The following CHST7 variants were observed in gnomAD, a reference collection of about 807,000 sequenced individuals.
CHST7 encodes carbohydrate sulfotransferase 7.
Under a neutral mutation model 9.0 loss-of-function variants are expected in CHST7, and 5 were observed. The ratio of observed to expected loss-of-function variants is 0.56; its 90% confidence interval spans 0.29 to 1.17. The LOEUF is 1.17. CHST7 is among the 50% of genes most tolerant of loss of function. CHST7 has a pLI of 0.08. For synonymous variants in CHST7, 244 were observed against 237.1 expected (o/e 1.03, Z -0.27); for missense variants, 377 against 485.1 (o/e 0.78, Z 2.09).
chrX:46,585,814 C>T (rs989721353), intron 1 of CHST7, among the ~76,000 whole-genome samples: 5 of 111,961 alleles, frequency 4.5e-5, no homozygotes, highest in African/African-American at 9.7e-5. Context: ...GACGCGATAT[C>T]GGCTCAATGC....
chrX:46,576,659 C>T (rs912885637), intron 1 of CHST7, among the ~76,000 whole-genome samples: 5 of 111,312 alleles, frequency 4.5e-5, no homozygotes, highest in African/African-American at 1.6e-4. Flanking sequence ...GCAGTCAGTC[C>T]AGAGGAGGAG....
chrX:46,579,398 G>A (rs1029282125), intron 1 of CHST7, among the ~76,000 whole-genome samples: 3 of 111,911 alleles, frequency 2.7e-5, no homozygotes, highest in Non-Finnish European at 5.6e-5. Context: ...GTGCTATCCT[G>A]TCCTTTTCAG....
intron 1 of CHST7, among the ~76,000 whole-genome samples, chrX:46,596,628 T>C (rs1283343071): frequency 1.8e-5 from 2 of 111,801 alleles, no homozygotes; most frequent in Non-Finnish European, 3.8e-5. Context: ...TCATGAAACA[T>C]GTGTACTAGC....
At chrX:46,590,826 T>A (rs1431426012) in intron 1 of CHST7, among the ~76,000 whole-genome samples, 1 of 112,133 alleles carries the variant, frequency 8.9e-6, no homozygotes, top group Non-Finnish European at 1.9e-5. Context: ...TGTGCTACCC[T>A]CATTATCATT....
chrX:46,592,583 G>A (rs1942577913), intron 1 of CHST7, among the ~76,000 whole-genome samples: 1 of 111,612 alleles, frequency 9.0e-6, no homozygotes, highest in Non-Finnish European at 1.9e-5. Flanking sequence ...GGCTGGTCTC[G>A]AACTCCTGGC....
intron 1 of CHST7, among the ~76,000 whole-genome samples, chrX:46,593,270 G>A: frequency 9.0e-6 from 1 of 111,540 alleles, no homozygotes; most frequent in Non-Finnish European, 1.9e-5. Context: ...TTGAAAGAAT[G>A]GTGTTGAAGT....
At chrX:46,591,778 C>A (rs1262481635) in intron 1 of CHST7, among the ~76,000 whole-genome samples, 2 of 111,268 alleles carry the variant, frequency 1.8e-5, no homozygotes, top group Non-Finnish European at 3.8e-5. Context: ...TATACATGTG[C>A]CATGGTGGTT....
chrX:46,577,304 G>A (rs57887874), intron 1 of CHST7, among the ~76,000 whole-genome samples: 15,096 of 109,491 alleles, frequency 0.14, 2,354 homozygotes, highest in African/African-American at 0.44. Flanking sequence ...AAGGCCGATG[G>A]GGCTTCCTTT....
chrX:46,579,361 A>G (rs371547041), intron 1 of CHST7, among the ~76,000 whole-genome samples: 19 of 111,957 alleles, frequency 1.7e-4, no homozygotes, highest in African/African-American at 6.2e-4. Context: ...ATTGTACACT[A>G]TCCACCACTG....
intron 1 of CHST7, among the ~76,000 whole-genome samples, chrX:46,582,887 G>A (rs1031382792): frequency 1.8e-5 from 2 of 110,479 alleles, no homozygotes; most frequent in African/African-American, 3.3e-5. Flanking sequence ...GTCTCAGCAG[G>A]GGAAGGGCAG....
Position 46,574,503 on chromosome X carries a change from C to T in CHST7, c.572C>T (p.Ala191Val). 8.3e-7 allele frequency: 1 copy of T among 1,207,231 alleles called. No homozygotes were observed. The highest frequency in any genetic ancestry group is 1.1e-6 in the Non-Finnish European group (1 of 893,102). Reference protein sequence around the residue: ...APDTANLTTAALFRWRTNKVI... With the variant: ...APDTANLTTAVLFRWRTNKVI... ...GACACGGCCAATCTTACCACGGCCG[C>T]CCTCTTCCGCTGGCGGACTAACAAG... Residue 191 changes from alanine to valine, a missense_variant, in exon 1 of 2, where the codon GCC (alanine) becomes GTC (valine). Ala to Val is a moderately conservative substitution (Grantham distance 64). Transcript: ENST00000276055.
chrX:46,580,252 G>T (rs1264191601), intron 1 of CHST7, among the ~76,000 whole-genome samples: 1 of 110,396 alleles, frequency 9.1e-6, no homozygotes, highest in East Asian at 2.9e-4. Context: ...TAAAGACGGG[G>T]TTTCACCATG....
At chrX:46,578,301 A>G (rs1453550230) in intron 1 of CHST7, among the ~76,000 whole-genome samples, 1 of 50,236 alleles carries the variant, frequency 2.0e-5, no homozygotes, top group African/African-American at 1.1e-4. Context: ...TTTGAGTGGC[A>G]GCTCTTACTC....
chrX:46,586,131 C>T (rs1602109796), intron 1 of CHST7, among the ~76,000 whole-genome samples: 1 of 111,995 alleles, frequency 8.9e-6, no homozygotes, highest in East Asian at 2.8e-4. Context: ...CGGCCACCTC[C>T]AGCAATCCTG....
rs397777408 is a variant in CHST7 at position 46,584,535 on chromosome X, C to CAAAAAAA, written c.*31+9125_*31+9131dup. On this transcript the variant is annotated intron_variant, in intron 1 of 1. Coordinates refer to ENST00000276055, the MANE Select transcript of CHST7 (RefSeq NM_019886.4). ...CTGGGCAACAACAGTGAAACTGTCT[C>CAAAAAAA]AAAAAAAAAAAAAAAAAAAGGTGCC... Among the ~76,000 whole-genome samples, 35 of 52,507 alleles carry CAAAAAAA rather than the reference C, an allele frequency of 6.7e-4. 1 individual carries two copies. Among genetic ancestry groups the CAAAAAAA allele is most frequent in the African/African-American group, 1.1e-3 (13 of 11,404 alleles). The allele number at this position is 52,507 out of a possible 115,157, so 45.6% of individuals were successfully genotyped here.
intron 1 of CHST7, among the ~76,000 whole-genome samples, chrX:46,581,776 G>C (rs1433838464): frequency 9.1e-6 from 1 of 109,513 alleles, no homozygotes; most frequent in East Asian, 2.9e-4. Context: ...TGTATTTTTA[G>C]TAGAGACAGG....
chrX:46,581,532 G>A (rs1942525590), intron 1 of CHST7, among the ~76,000 whole-genome samples: 1 of 103,918 alleles, frequency 9.6e-6, no homozygotes, highest in Non-Finnish European at 2.0e-5. Flanking sequence ...CTCTAGCCTG[G>A]GCGACAGAGC....
In CHST7 at chrX:46,574,882, G is replaced by T. The variant is rs768569388; in HGVS notation, c.951G>T (p.Ala317=). The T allele has an allele frequency of 1.0e-5, 12 of 1,162,711 alleles. No homozygotes were observed. The highest frequency in any genetic ancestry group is 3.8e-5 in the South Asian group (2 of 52,082). The change falls in exon 1 of 2, where the codon GCG becomes GCT. Residue 317 remains alanine, a synonymous_variant. Coordinates refer to ENST00000276055, the MANE Select transcript of CHST7 (RefSeq NM_019886.4). The part of the protein sequence containing the change: ...RGDRFHRVLL[A]HGVGARPGGQ... ...ACCGCTTCCACCGTGTGCTGCTGGC[G>T]CACGGCGTGGGTGCTCGCCCCGGGG... is the stretch of plus-strand genomic sequence containing the variant.
chrX:46,589,820 CG>C (rs1942565718), intron 1 of CHST7, among the ~76,000 whole-genome samples: 2 of 111,133 alleles, frequency 1.8e-5, no homozygotes, highest in African/African-American at 6.5e-5. Context: ...GAGGCCAACA[CG>C]GGGGAATAGG....
Sources: allele counts gnomAD v4.1 joint callset (sites outside exome capture counted in the v4.1 genomes callset), GRCh38; gene constraint gnomAD v4.1.1; transcripts MANE v1.5; gene names NCBI Gene and HGNC (gene_info 2026-07-23, HGNC 2026-07-21).